Variants in SLC16A2 observed in about 807,000 individuals in gnomAD.
SLC16A2 encodes the protein solute carrier family 16 member 2, also known as monocarboxylate transporter 8.
Under a neutral mutation model 27.2 loss-of-function variants are expected in SLC16A2, and 3 were observed. The observed-to-expected ratio is 0.11, with a 90% CI of 0.05 to 0.28. SLC16A2 has a LOEUF of 0.28. Among genes scored for constraint, SLC16A2 ranks in the 10% least tolerant of loss-of-function variants. SLC16A2 has a pLI of 1.00. For synonymous variants in SLC16A2, 202 were observed against 187.8 expected (o/e 1.08, Z -0.62); for missense variants, 295 against 458.5 (o/e 0.64, Z 3.26).
At chrX:74,430,858 C>T (rs908081496) in intron 1 of SLC16A2, among the ~76,000 whole-genome samples, 3 of 112,282 alleles carry the variant, frequency 2.7e-5, no homozygotes, top group African/African-American at 9.7e-5. Flanking sequence ...CTTCCCACCT[C>T]GGTCTCCCAA....
intron 5 of SLC16A2, among the ~76,000 whole-genome samples, chrX:74,530,386 C>T (rs1351445721): frequency 8.9e-6 from 1 of 112,126 alleles, no homozygotes; most frequent in African/African-American, 3.2e-5. Flanking sequence ...AGGCGTGAGC[C>T]ACCACACCCG....
At chrX:74,517,393 T>C (rs1930333159) in intron 1 of SLC16A2, among the ~76,000 whole-genome samples, 1 of 112,256 alleles carries the variant, frequency 8.9e-6, no homozygotes, top group Admixed American at 9.4e-5. Context: ...CATTATATCA[T>C]AGACATTCAG....
intron 1 of SLC16A2, among the ~76,000 whole-genome samples, chrX:74,470,782 C>CA (rs1308451467): frequency 1.8e-5 from 2 of 110,412 alleles, no homozygotes; most frequent in East Asian, 5.7e-4. Context: ...ACTAAAAATA[C>CA]AAAAAATTAG....
chrX:74,445,074 C>T (rs1205535664), intron 1 of SLC16A2, among the ~76,000 whole-genome samples: 1 of 112,061 alleles, frequency 8.9e-6, no homozygotes, highest in African/African-American at 3.2e-5. Flanking sequence ...CAGCTTGTCT[C>T]TGGATATTAT....
intron 1 of SLC16A2, among the ~76,000 whole-genome samples, chrX:74,481,625 C>T (rs1333629786): frequency 2.7e-5 from 3 of 109,158 alleles, no homozygotes; most frequent in Admixed American, 2.0e-4. Context: ...TAAACGTTTG[C>T]CAGTTCTGTG....
chrX:74,522,778 G>A (rs1930427841), intron 2 of SLC16A2, among the ~76,000 whole-genome samples: 1 of 111,511 alleles, frequency 9.0e-6, no homozygotes, highest in African/African-American at 3.3e-5. Context: ...TTCTCTACCC[G>A]CTTTGTTCTT....
intron 1 of SLC16A2, among the ~76,000 whole-genome samples, chrX:74,451,418 T>G (rs1044349332): frequency 9.8e-5 from 11 of 112,648 alleles, no homozygotes; most frequent in Non-Finnish European, 1.9e-4. Context: ...AGATTTAGGC[T>G]AGACAATCTT....
intron 1 of SLC16A2, among the ~76,000 whole-genome samples, chrX:74,498,309 C>T (rs1487194645): frequency 9.0e-6 from 1 of 111,391 alleles, no homozygotes; most frequent in African/African-American, 3.3e-5. Flanking sequence ...TAAGATTGGT[C>T]TTCTGAGATA....
intron 1 of SLC16A2, among the ~76,000 whole-genome samples, chrX:74,504,724 C>G (rs1222823452): frequency 8.9e-6 from 1 of 112,544 alleles, no homozygotes; most frequent in Non-Finnish European, 1.9e-5. Flanking sequence ...AGAGCAATGG[C>G]TCACGCCTGC....
chrX:74,474,948 A>G (rs1452865779), intron 1 of SLC16A2, among the ~76,000 whole-genome samples: 1 of 111,190 alleles, frequency 9.0e-6, no homozygotes, highest in Non-Finnish European at 1.9e-5. Flanking sequence ...ATACGTGTGC[A>G]TGTGTCTTTA....
chrX:74,496,255 C>A (rs1160950271), intron 1 of SLC16A2, among the ~76,000 whole-genome samples: 1 of 63,882 alleles, frequency 1.6e-5, no homozygotes. Flanking sequence ...ACAGAAAACA[C>A]ACACACACAC....
At chrX:74,447,482 G>A (rs1928858067) in intron 1 of SLC16A2, among the ~76,000 whole-genome samples, 1 of 110,509 alleles carries the variant, frequency 9.0e-6, no homozygotes, top group Non-Finnish European at 1.9e-5. Context: ...AGACCAGCCT[G>A]GACAATATAG....
intron 1 of SLC16A2, among the ~76,000 whole-genome samples, chrX:74,452,232 T>C (rs1928957064): frequency 8.9e-6 from 1 of 112,006 alleles, no homozygotes; most frequent in African/African-American, 3.2e-5. Context: ...CTCAGCAGGG[T>C]GGATTTGGGA....
At chrX:74,476,690 G>C (rs1366512257) in intron 1 of SLC16A2, among the ~76,000 whole-genome samples, 2 of 111,990 alleles carry the variant, frequency 1.8e-5, no homozygotes, top group Non-Finnish European at 3.8e-5. Context: ...AGCATGAAGG[G>C]CTGTTGAATT....
chrX:74,425,813 T>C (rs1233385741), intron 1 of SLC16A2, among the ~76,000 whole-genome samples: 1 of 111,898 alleles, frequency 8.9e-6, no homozygotes. Flanking sequence ...CGGTCCACCA[T>C]TGAGCCAAAA....
chrX:74,489,970 TAC>T (rs55975734), intron 1 of SLC16A2, among the ~76,000 whole-genome samples: 1,227 of 87,136 alleles, frequency 0.014, 15 homozygotes, highest in African/African-American at 0.036. Flanking sequence ...GTCACACACA[TAC>T]ACACACACAC....
At chrX:74,464,936 G>GCAACAA (rs752511999) in intron 1 of SLC16A2, among the ~76,000 whole-genome samples, 3 of 110,736 alleles carry the variant, frequency 2.7e-5, no homozygotes, top group South Asian at 7.7e-4. Flanking sequence ...CTCAATAACA[G>GCAACAA]CAACAACAAC....
chrX:74,463,944 T>A (rs1228105227), intron 1 of SLC16A2, among the ~76,000 whole-genome samples: 1 of 112,423 alleles, frequency 8.9e-6, no homozygotes, highest in East Asian at 2.8e-4. Flanking sequence ...CATCCCTCCC[T>A]CCACCACCAT....
At chrX:74,525,718 G>A in intron 3 of SLC16A2, 32 bp from the exon 4 acceptor site, 1 of 1,210,533 alleles carries the variant, frequency 8.3e-7, no homozygotes, top group South Asian at 1.8e-5. Context: ...TTCTCCTCCT[G>A]TTTCTGGGGA....
Sources: gnomAD v4.1 joint callset for allele counts (sites outside exome capture counted in the v4.1 genomes callset) on GRCh38, gnomAD v4.1.1 for gene constraint, MANE v1.5 for transcripts, NCBI Gene and HGNC (gene_info 2026-07-23, HGNC 2026-07-21) for gene names.